C8B: variants seen among roughly 807,000 people sequenced by gnomAD.
C8B encodes the protein complement C8 beta chain, also known as complement component C8 beta chain.
Under a neutral mutation model 64.6 loss-of-function variants are expected in C8B, and 67 were observed. The observed-to-expected ratio is 1.04, with a 90% CI of 0.85 to 1.27. The LOEUF (loss-of-function observed/expected upper bound fraction) is 1.27. C8B is among the 50% of genes most tolerant of loss of function. C8B has a pLI of 0.00. For synonymous variants in C8B, 284 were observed against 257.7 expected (o/e 1.10, Z -0.98); for missense variants, 790 against 725.2 (o/e 1.09, Z -1.03).
chr1:56,941,605 A>G (rs1644865610), intron 8 of C8B, among the ~76,000 whole-genome samples: 1 of 152,208 alleles, frequency 6.6e-6, no homozygotes, highest in Admixed American at 6.5e-5. Context: ...AGAGAGATAG[A>G]CAGGCTATGA....
In C8B at chr1:56,954,625, C is replaced by T. The variant is rs184653685; in HGVS notation, c.533+61G>A. 3.7e-4 allele frequency: 592 copies of T among 1,602,216 alleles called. 3 individuals carry two copies. The highest frequency in any genetic ancestry group is 3.3e-3 in the African/African-American group (244 of 74,798). ...TATATCAGTTCTCTCATTCTCTATC[C>T]GCCAGAATTCCATTTAATGCTGTGC... On this transcript the variant is annotated intron_variant, in intron 4 of 11. Coordinates refer to ENST00000371237, the MANE Select transcript of C8B (RefSeq NM_000066.4).
chr1:56,932,017 T>A, intron 10 of C8B, 139 bp from the exon 11 acceptor site: 1 of 681,610 alleles, frequency 1.5e-6, no homozygotes, highest in Admixed American at 2.1e-5. Flanking sequence ...ATAGGCAGGT[T>A]CAGGGCCAGG....
intron 8 of C8B, among the ~76,000 whole-genome samples, chr1:56,941,533 GATAGATAGATAGATA>G (rs1644860173): frequency 7.9e-6 from 1 of 126,334 alleles, no homozygotes; most frequent in Non-Finnish European, 1.7e-5. Context: ...TAGATAGATA[GATAGATAGATAGATA>G]GATAATAGAC....
intron 6 of C8B, 102 bp downstream of exon 6, chr1:56,949,453 T>A (rs1010975053): frequency 7.1e-6 from 8 of 1,127,480 alleles, no homozygotes; most frequent in Admixed American, 1.9e-5. Context: ...GCCAAGTAAA[T>A]GTCTTTTCTT....
intron 2 of C8B, among the ~76,000 whole-genome samples, chr1:56,958,383 A>C (rs946348138): frequency 3.3e-5 from 5 of 152,206 alleles, no homozygotes; most frequent in African/African-American, 1.2e-4. Flanking sequence ...TGGAAATCCA[A>C]AAAAAGAAAT....
chr1:56,930,869 C>T (rs638423), intron 11 of C8B, among the ~76,000 whole-genome samples: 48,463 of 152,000 alleles, frequency 0.32, 8,265 homozygotes, highest in East Asian at 0.52. Flanking sequence ...TCATTCCAAA[C>T]GCTTTATATG....
At chr1:56,944,696 T>C (rs1644915799) in intron 7 of C8B, among the ~76,000 whole-genome samples, 1 of 152,212 alleles carries the variant, frequency 6.6e-6, no homozygotes, top group African/African-American at 2.4e-5. Context: ...TAAGCCCTTT[T>C]ATGTTTGAGG....
intron 1 of C8B, among the ~76,000 whole-genome samples, chr1:56,965,556 T>A (rs1461639652): frequency 2.0e-5 from 3 of 152,128 alleles, no homozygotes; most frequent in Non-Finnish European, 4.4e-5. Flanking sequence ...CAAACTTTCT[T>A]TTTCATAAAG....
chr1:56,938,130 C>G (rs684216), intron 9 of C8B, among the ~76,000 whole-genome samples: 48,814 of 152,120 alleles, frequency 0.32, 8,340 homozygotes, highest in East Asian at 0.52. Flanking sequence ...TGTGTTTTCA[C>G]ATTTAATTTT....
chr1:56,943,322 T>C (rs922291869), intron 8 of C8B, among the ~76,000 whole-genome samples: 1 of 152,202 alleles, frequency 6.6e-6, no homozygotes. Flanking sequence ...GCATCAGTTA[T>C]AATTGCTTGA....
intron 5 of C8B, among the ~76,000 whole-genome samples, chr1:56,950,226 G>C (rs967957760): frequency 2.0e-5 from 3 of 152,168 alleles, no homozygotes; most frequent in African/African-American, 7.2e-5. Context: ...CCTAGCAGAG[G>C]GAGTAGATCA....
chr1:56,942,626 C>T (rs909982801), intron 8 of C8B, among the ~76,000 whole-genome samples: 4 of 152,068 alleles, frequency 2.6e-5, no homozygotes, highest in African/African-American at 9.7e-5. Flanking sequence ...ATCCCTTGAA[C>T]CCGGGAGGCG....
In C8B at chr1:56,963,780, G is replaced by C. The variant is rs576300613; in HGVS notation, c.92+2077C>G. ...TAAACAGTAGCACTTACCTGGAATA[G>C]CTGTGAGGATTATAGCTAATGTTTC... On this transcript the variant is annotated intron_variant, in intron 1 of 11. Coordinates refer to ENST00000371237, the MANE Select transcript of C8B (RefSeq NM_000066.4). 4.9e-4 allele frequency: 367 copies of C among 752,234 alleles called. 3 individuals are homozygous for C. The African/African-American group carries it at 6.6e-3, about 14-fold the overall frequency. The allele number at this position is 752,234 out of a possible 1,614,324, so 46.6% of individuals were successfully genotyped here.
rs1644991884 is a variant in C8B, at chr1:56,949,662, C to T, written c.757G>A (p.Gly253Ser). Residue 253 changes from glycine to serine, a missense_variant, in exon 6 of 12, where the codon GGT becomes AGT. Transcript: ENST00000371237. ...GGTATTTTAAAACCAAAACTGAAAC[C>T]AGACTTGCTTGCCATTTTCTCTGTG... is the stretch of plus-strand genomic sequence containing the variant. ...NVTEKMASKS[G>S]FSFGFKIPGI... 6.2e-6 allele frequency: 10 copies of T among 1,613,874 alleles called. No homozygotes were observed. Among genetic ancestry groups the T allele is most frequent in the Non-Finnish European group, 8.5e-6 (10 of 1,179,958 alleles).
intron 4 of C8B, among the ~76,000 whole-genome samples, chr1:56,954,254 T>A (rs1335357722): frequency 6.6e-6 from 1 of 152,184 alleles, no homozygotes; most frequent in Non-Finnish European, 1.5e-5. Context: ...TAGAGACCTC[T>A]CTTCTTGGAG....
In C8B at chr1:56,962,340, G is replaced by A. The variant is rs969044645; in HGVS notation, c.93-2164C>T. Among the ~76,000 whole-genome samples, 5 of 152,200 alleles carry A rather than the reference G, an allele frequency of 3.3e-5. No homozygotes were observed. In the East Asian group the frequency reaches 7.7e-4, roughly 23 times the overall value. ...GTAAATTACATCGGATGAGATGTGT[G>A]TGGTTTATTAGTACTATAAAATGCA... On this transcript the variant is annotated intron_variant, in intron 1 of 11. Transcript: ENST00000371237.
chr1:56,946,250 G>A (rs1644940988), intron 6 of C8B, among the ~76,000 whole-genome samples, 189 bp from the exon 7 acceptor site: 1 of 152,130 alleles, frequency 6.6e-6, no homozygotes, highest in Non-Finnish European at 1.5e-5. Context: ...CTGACATCCT[G>A]TTCAGCTTGG....
At chr1:56,952,351 C>T (rs1424906984) in intron 4 of C8B, among the ~76,000 whole-genome samples, 171 bp from the exon 5 acceptor site, 1 of 152,202 alleles carries the variant, frequency 6.6e-6, no homozygotes, top group African/African-American at 2.4e-5. Flanking sequence ...TTAACCACAG[C>T]CACGTGCCCT....
chr1:56,938,844 G>T (rs1282712844), intron 9 of C8B, among the ~76,000 whole-genome samples: 2 of 152,032 alleles, frequency 1.3e-5, no homozygotes, highest in African/African-American at 2.4e-5. Context: ...TTGCGGAGAA[G>T]AATTATTCTG....
Sources: gnomAD v4.1 joint callset for allele counts (sites outside exome capture counted in the v4.1 genomes callset) on GRCh38, gnomAD v4.1.1 for gene constraint, MANE v1.5 for transcripts, NCBI Gene and HGNC (gene_info 2026-07-23, HGNC 2026-07-21) for gene names.